ZNF804A: variants seen among roughly 807,000 people sequenced by gnomAD.
ZNF804A encodes zinc finger protein 804A.
Under a neutral mutation model 16.5 loss-of-function variants are expected in ZNF804A, and 2 were observed. The ratio of observed to expected loss-of-function variants is 0.12; its 90% CI spans 0.05 to 0.38. The LOEUF is 0.38. Ranked by LOEUF, ZNF804A falls within the 10% of genes least tolerant of loss-of-function variation. The pLI is 0.99. For synonymous variants in ZNF804A, 534 were observed against 489.6 expected, an observed-to-expected ratio of 1.09 and a Z score of -1.20; for missense variants, 1,473 against 1,390.7, an observed-to-expected ratio of 1.06 and a Z score of -0.94.
chr2:184,799,156 G>A (rs755098198), intron 1 of ZNF804A, among the ~76,000 whole-genome samples: 33 of 152,114 alleles, frequency 2.2e-4, no homozygotes, highest in Non-Finnish European at 4.0e-4. Flanking sequence ...TAGAGGGTCT[G>A]TGGGTCCTTT....
At chr2:184,877,773 G>A (rs141784590) in intron 2 of ZNF804A, among the ~76,000 whole-genome samples, 41 of 152,166 alleles carry the variant, frequency 2.7e-4, no homozygotes, top group Non-Finnish European at 5.0e-4. Context: ...CAAGGATCAT[G>A]AGGTTATTGT....
chr2:184,828,533 A>G (rs1308110620), intron 1 of ZNF804A, among the ~76,000 whole-genome samples: 1 of 151,528 alleles, frequency 6.6e-6, no homozygotes, highest in Non-Finnish European at 1.5e-5. Flanking sequence ...AAAAAAAAAG[A>G]TTATATACCT....
chr2:184,891,680 G>C (rs1158466758), intron 2 of ZNF804A, among the ~76,000 whole-genome samples: 1 of 152,064 alleles, frequency 6.6e-6, no homozygotes, highest in Admixed American at 6.5e-5. Flanking sequence ...CTAGACTCTA[G>C]GGTACTGAAA....
chr2:184,843,345 C>T (rs987048414), intron 1 of ZNF804A, among the ~76,000 whole-genome samples: 2 of 152,116 alleles, frequency 1.3e-5, no homozygotes, highest in Non-Finnish European at 2.9e-5. Context: ...TCACTGAAAC[C>T]TCTGCCTCCT....
intron 1 of ZNF804A, among the ~76,000 whole-genome samples, chr2:184,604,146 CTTTTTTTTTTTTTTTTTTT>C (rs759053144): frequency 0.011 from 483 of 44,778 alleles, 2 homozygotes; most frequent in Non-Finnish European, 0.016. Flanking sequence ...ACTGCAATTA[CTTTTTTTTTTTTTTTTTTT>C]TTTTTTTTTT....
intron 2 of ZNF804A, among the ~76,000 whole-genome samples, chr2:184,879,406 C>T (rs1329877180): frequency 6.6e-6 from 1 of 151,748 alleles, no homozygotes; most frequent in Non-Finnish European, 1.5e-5. Context: ...TTTCTTTTTT[C>T]TTTTTTGATT....
At chr2:184,675,167 C>A (rs1488780905) in intron 1 of ZNF804A, among the ~76,000 whole-genome samples, 1 of 151,724 alleles carries the variant, frequency 6.6e-6, no homozygotes, top group Non-Finnish European at 1.5e-5. Context: ...TGTATACCTA[C>A]CTATGTGTAT....
At chr2:184,794,426 T>C (rs1021972839) in intron 1 of ZNF804A, among the ~76,000 whole-genome samples, 6 of 152,076 alleles carry the variant, frequency 3.9e-5, no homozygotes, top group African/African-American at 1.4e-4. Context: ...ATTGTTTCTC[T>C]TTTTTCTTGC....
At chr2:184,921,081 G>C (rs540619195) in intron 2 of ZNF804A, among the ~76,000 whole-genome samples, 7 of 152,116 alleles carry the variant, frequency 4.6e-5, no homozygotes, top group Non-Finnish European at 8.8e-5. Context: ...TGGCCTGGTT[G>C]GTGGGACCAC....
At position 184,659,650 on chromosome 2, in the gene ZNF804A, G is replaced by A. The variant is rs1692135811; in HGVS notation, c.111+60580G>A. ...GTAAAACTATATTAATAAGTGATGG[G>A]ACTAGGAGCAAAACTCAGGCATGGC... On this transcript the variant is annotated intron_variant, in intron 1 of 3. Coordinates refer to ENST00000302277, the MANE Select transcript of ZNF804A (RefSeq NM_194250.2). Among the ~76,000 whole-genome samples, 3 of 151,978 alleles carry A rather than the reference G, an allele frequency of 2.0e-5. No homozygotes were observed. In the South Asian group the frequency reaches 6.2e-4, roughly 31 times the overall value.
chr2:184,857,541 G>A (rs1695717918), intron 1 of ZNF804A, among the ~76,000 whole-genome samples: 1 of 151,956 alleles, frequency 6.6e-6, no homozygotes, highest in Non-Finnish European at 1.5e-5. Context: ...TTGATTTTCT[G>A]TCTGAATGAA....
intron 1 of ZNF804A, among the ~76,000 whole-genome samples, chr2:184,713,039 T>C (rs1256022785): frequency 2.7e-5 from 4 of 149,864 alleles, no homozygotes; most frequent in Non-Finnish European, 5.9e-5. Flanking sequence ...TAACTGGAGA[T>C]TTATTTATTT....
Position 184,720,294 on chromosome 2 carries a change from C to A in ZNF804A, c.111+121224C>A, listed in dbSNP as rs969681500. ...AGACACAACCAAACCATATCAACAC[C>A]CAACTTGGAATATAAGAAATTTATA... On this transcript the variant is annotated intron_variant, in intron 1 of 3. Coordinates refer to ENST00000302277, the MANE Select transcript of ZNF804A (RefSeq NM_194250.2). Among the ~76,000 whole-genome samples, 5 of 152,174 alleles carry A rather than the reference C, an allele frequency of 3.3e-5. No individual in the cohort carries two copies. In the East Asian group the frequency reaches 9.6e-4, roughly 29 times the overall value.
chr2:184,734,284 G>GT (rs908185446), intron 1 of ZNF804A, among the ~76,000 whole-genome samples: 1 of 151,798 alleles, frequency 6.6e-6, no homozygotes, highest in Admixed American at 6.6e-5. Context: ...ACATCTTTTT[G>GT]TTTTTCAAAT....
chr2:184,669,221 T>A, intron 1 of ZNF804A, among the ~76,000 whole-genome samples: 1 of 152,072 alleles, frequency 6.6e-6, no homozygotes, highest in Middle Eastern at 3.2e-3. Context: ...GCAGATACAC[T>A]GAGAATACAT....
At chr2:184,914,293 T>A (rs1685412715) in intron 2 of ZNF804A, among the ~76,000 whole-genome samples, 1 of 152,130 alleles carries the variant, frequency 6.6e-6, no homozygotes, top group African/African-American at 2.4e-5. Context: ...TATTCCAAGT[T>A]ACAGTTTAAT....
At chr2:184,772,838 G>A (rs762690774) in intron 1 of ZNF804A, among the ~76,000 whole-genome samples, 21 of 150,630 alleles carry the variant, frequency 1.4e-4, no homozygotes, top group Non-Finnish European at 2.4e-4. Flanking sequence ...ACATCCTAGT[G>A]GATGTGACAT....
chr2:184,741,699 A>G (rs1175637843), intron 1 of ZNF804A, among the ~76,000 whole-genome samples: 1 of 152,174 alleles, frequency 6.6e-6, no homozygotes, highest in Non-Finnish European at 1.5e-5. Context: ...AAATGCTATT[A>G]TTAGTGTTTC....
intron 1 of ZNF804A, among the ~76,000 whole-genome samples, chr2:184,654,181 G>A (rs1014478811): frequency 2.0e-5 from 3 of 152,196 alleles, no homozygotes; most frequent in Admixed American, 6.5e-5. Flanking sequence ...GCTATAGCCC[G>A]GTTCTGATGC....
Sources: allele counts gnomAD v4.1 joint callset (sites outside exome capture counted in the v4.1 genomes callset), GRCh38; gene constraint gnomAD v4.1.1; transcripts MANE v1.5; gene names NCBI Gene and HGNC (gene_info 2026-07-23, HGNC 2026-07-21).